The following KIAA1217 variants were observed in gnomAD, a reference collection of about 807,000 sequenced individuals.
KIAA1217 encodes sickle tail protein homolog.
KIAA1217 carries 88 observed loss-of-function variants against 163.9 expected under a neutral mutation model. The observed-to-expected ratio is 0.54, with a 90% CI of 0.45 to 0.64. The LOEUF (loss-of-function observed/expected upper bound fraction) is 0.64. KIAA1217 is among the 30% of genes least tolerant of loss of function. The pLI, the probability that KIAA1217 is intolerant of heterozygous loss-of-function variation, is 0.00. For missense variants in KIAA1217, 2,372 were observed against 2,475.0 expected, an observed-to-expected ratio of 0.96 and a Z score of 0.88; for synonymous variants, 903 against 923.1, an observed-to-expected ratio of 0.98 and a Z score of 0.39.
chr10:24,034,192 G>T (rs1848299288), intron 2 of KIAA1217, among the ~76,000 whole-genome samples: 1 of 152,176 alleles, frequency 6.6e-6, no homozygotes, highest in Non-Finnish European at 1.5e-5. Flanking sequence ...AAGTGATTTG[G>T]CCCTGAGAGG....
At chr10:23,836,597 G>A (rs1162617555) in intron 1 of KIAA1217, among the ~76,000 whole-genome samples, 1 of 151,504 alleles carries the variant, frequency 6.6e-6, no homozygotes, top group African/African-American at 2.4e-5. Flanking sequence ...ATAGCAATGA[G>A]GTCTTGGTTT....
At chr10:24,532,135 A>G in intron 15 of KIAA1217, 142 bp downstream of exon 15, 1 of 655,142 alleles carries the variant, frequency 1.5e-6, no homozygotes, top group Non-Finnish European at 2.3e-6. Flanking sequence ...AGCACCACAG[A>G]TGGAACAATG....
At chr10:24,540,822 G>A (rs2074933061) in intron 17 of KIAA1217, among the ~76,000 whole-genome samples, 1 of 152,098 alleles carries the variant, frequency 6.6e-6, no homozygotes, top group African/African-American at 2.4e-5. Flanking sequence ...AGGCTGGAGG[G>A]CAGTGGCACG....
chr10:24,536,743 C>A, intron 16 of KIAA1217, 31 bp from the exon 17 acceptor site: 1 of 1,608,990 alleles, frequency 6.2e-7, no homozygotes, highest in Non-Finnish European at 8.5e-7. Flanking sequence ...ACCCTTGGAT[C>A]CCTGTTAACC....
At chr10:23,755,650 G>A (rs1335827) in intron 1 of KIAA1217, among the ~76,000 whole-genome samples, 27,257 of 152,036 alleles carry the variant, frequency 0.18, 2,558 homozygotes, top group Middle Eastern at 0.26. Context: ...ACAAGCCTAG[G>A]GGGAGAAGAC....
At chr10:24,143,557 C>T (rs1050742739) in intron 2 of KIAA1217, among the ~76,000 whole-genome samples, 2 of 152,138 alleles carry the variant, frequency 1.3e-5, no homozygotes, top group Non-Finnish European at 2.9e-5. Flanking sequence ...GCTACCAGGC[C>T]CGACCTAGTA....
chr10:24,531,922 G>C lies in KIAA1217; in HGVS notation c.3175G>C (p.Gly1059Arg). The C allele has an allele frequency of 6.2e-7, 1 of 1,610,428 alleles. No individual in the cohort carries two copies. The highest frequency in any genetic ancestry group is 8.5e-7 in the Non-Finnish European group (1 of 1,177,858). Reference protein sequence around the residue: ...PPPPRRSYLPGSGLTTTRSGD... With the variant: ...PPPPRRSYLPRSGLTTTRSGD... ...ACCTCCTCGTCGAAGCTACCTGCCA[G>C]GATCGGGACTCACCACCACGAGGTC... Residue 1059 changes from glycine to arginine, a missense_variant, in exon 15 of 21, where the codon GGA becomes CGA. By Grantham distance (125) the Gly-to-Arg change is moderately radical. Coordinates refer to ENST00000376454, the MANE Select transcript of KIAA1217 (RefSeq NM_019590.5).
At position 23,857,130 on chromosome 10, in the gene KIAA1217, G is replaced by T. The variant is rs140914347; in HGVS notation, c.-320-150095G>T. On this transcript the variant is annotated intron_variant, in intron 1 of 18. Coordinates refer to the KIAA1217 transcript ENST00000376462. ...CTCAGGCTGGGAGCTGTAGACTGGA[G>T]CTGTTCCTATTCGGCCATCTTGGCG... 5.3e-5 allele frequency among the ~76,000 whole-genome samples: 8 copies of T among 152,362 alleles called. No homozygotes were observed. The East Asian group carries it at 1.5e-3, about 29-fold the overall frequency.
At chr10:23,737,393 C>T (rs1305145183) in intron 1 of KIAA1217, among the ~76,000 whole-genome samples, 1 of 151,560 alleles carries the variant, frequency 6.6e-6, no homozygotes. Context: ...CGGGGTTTCA[C>T]CATATTGGCC....
At chr10:24,107,321 T>C (rs1306357115) in intron 2 of KIAA1217, among the ~76,000 whole-genome samples, 1 of 152,244 alleles carries the variant, frequency 6.6e-6, no homozygotes, top group Non-Finnish European at 1.5e-5. Context: ...TCTTCACTAT[T>C]GTGAATAGTG....
At chr10:24,407,857 T>A (rs1564628444) in intron 3 of KIAA1217, among the ~76,000 whole-genome samples, 1 of 152,136 alleles carries the variant, frequency 6.6e-6, no homozygotes, top group Non-Finnish European at 1.5e-5. Flanking sequence ...ACTTGTATAT[T>A]GGTTTGTCGT....
intron 2 of KIAA1217, among the ~76,000 whole-genome samples, chr10:24,331,546 G>T (rs1356748504): frequency 6.6e-6 from 1 of 152,338 alleles, no homozygotes; most frequent in Admixed American, 6.5e-5. Flanking sequence ...AGGTAGAGAA[G>T]GTAGGAGAAA....
At chr10:24,290,673 G>A (rs1031568987) in intron 2 of KIAA1217, among the ~76,000 whole-genome samples, 1 of 148,818 alleles carries the variant, frequency 6.7e-6, no homozygotes, top group African/African-American at 2.5e-5. Flanking sequence ...GTGTGATCTC[G>A]GCTCACTGCG....
At chr10:24,477,653 T>C (rs2064189598) in intron 6 of KIAA1217, among the ~76,000 whole-genome samples, 1 of 152,256 alleles carries the variant, frequency 6.6e-6, no homozygotes, top group South Asian at 2.1e-4. Context: ...ATTATGCTGC[T>C]AAATATACAC....
At chr10:23,970,262 C>G (rs994137035) in intron 1 of KIAA1217, among the ~76,000 whole-genome samples, 3 of 152,198 alleles carry the variant, frequency 2.0e-5, no homozygotes, top group Admixed American at 6.5e-5. Context: ...ATAGTTTTAG[C>G]TCTTACATTT....
chr10:24,147,119 G>A (rs1277533254), intron 2 of KIAA1217, among the ~76,000 whole-genome samples: 1 of 151,510 alleles, frequency 6.6e-6, no homozygotes, highest in Non-Finnish European at 1.5e-5. Context: ...CTTTCTCTGT[G>A]AATCTAGAAT....
At chr10:24,296,248 T>C (rs2040593339) in intron 2 of KIAA1217, among the ~76,000 whole-genome samples, 1 of 152,112 alleles carries the variant, frequency 6.6e-6, no homozygotes, top group African/African-American at 2.4e-5. Flanking sequence ...GCCTTACAGG[T>C]GCACATCATC....
rs1175631814 is a variant in KIAA1217 at position 24,520,220 on chromosome 10, C to T, written c.2275C>T (p.Arg759Cys). 2.5e-6 allele frequency: 4 copies of T among 1,614,088 alleles called. No individual in the cohort carries two copies. The highest frequency in any genetic ancestry group is 1.6e-4 in the Middle Eastern group (1 of 6,062). ...CGTGGAAGACGGGGCTTTCCTCCTG[C>T]GTCAAGTGGGAGAGGCTGTAGCTAC... Reference protein sequence around the residue: ...KDVEDGAFLLRQVGEAVATLK... With the variant: ...KDVEDGAFLLCQVGEAVATLK... Residue 759 changes from arginine to cysteine, a missense_variant, in exon 11 of 21, where the codon CGT becomes TGT. Physicochemically the swap from Arg to Cys is radical, Grantham distance 180 (BLOSUM62 -3). This residue lies in a region of KIAA1217 where 1,431 missense variants were observed against 1,470.3 expected (regional missense o/e 0.97). Coordinates refer to ENST00000376454, the MANE Select transcript of KIAA1217 (RefSeq NM_019590.5).
chr10:24,440,532 C>T (rs1045519133), intron 5 of KIAA1217, among the ~76,000 whole-genome samples: 2 of 152,140 alleles, frequency 1.3e-5, no homozygotes, highest in African/African-American at 2.4e-5. Flanking sequence ...CTGGTACCTA[C>T]GTAAGGACCA....
Sources: gnomAD v4.1 joint callset for allele counts (sites outside exome capture counted in the v4.1 genomes callset) on GRCh38, gnomAD v4.1.1 for gene constraint, gnomAD v4.1.1 regional missense constraint, MANE v1.5 for transcripts, NCBI Gene and HGNC (gene_info 2026-07-23, HGNC 2026-07-21) for gene names.